Variants in XPO1 observed in about 807,000 individuals in gnomAD.
The protein encoded by XPO1 is exportin-1.
A neutral mutation model predicts 133.3 loss-of-function variants in XPO1; 5 were observed. The ratio of observed to expected loss-of-function variants is 0.04; its 90% CI spans 0.02 to 0.08. The LOEUF (loss-of-function observed/expected upper bound fraction) is 0.08, where lower values mean the gene tolerates loss of function less well. Among genes scored for constraint, XPO1 ranks in the 10% least tolerant of loss-of-function variants. The pLI is 1.00. For synonymous variants in XPO1, 419 were observed against 408.2 expected (o/e 1.03, Z -0.32); for missense variants, 506 against 1,267.5 (o/e 0.40, Z 9.12).
intron 10 of XPO1, among the ~76,000 whole-genome samples, chr2:61,496,133 AGTATTTCT>A (rs1697230372): frequency 6.6e-6 from 1 of 152,204 alleles, no homozygotes; most frequent in Admixed American, 6.5e-5. Context: ...AAATTTTTCT[AGTATTTCT>A]CACTGACATT....
chr2:61,490,537 T>G, intron 17 of XPO1, 105 bp downstream of exon 17: 1 of 1,486,180 alleles, frequency 6.7e-7, no homozygotes, highest in South Asian at 1.2e-5. Context: ...TAAAAGCACT[T>G]ATGGATCACA....
At position 61,533,776 on chromosome 2, in the gene XPO1, G is replaced by A. The variant is rs768730995; in HGVS notation, c.122C>T (p.Ala41Val). The change falls in exon 2 of 25, where the codon GCC becomes GTC. Residue 41 changes from alanine to valine, a missense_variant. Coordinates refer to ENST00000401558, the MANE Select transcript of XPO1 (RefSeq NM_003400.4). ...VVNCLYHGEGAQQRMAQEVLT... is the reference protein window; with the variant it reads ...VVNCLYHGEGVQQRMAQEVLT... ...AGTTTTGGTTGGCTACTTTACCTGG[G>A]CTCCTTCTCCATGGTATAAGCAATT... 19 of 1,582,436 alleles carry A rather than the reference G, an allele frequency of 1.2e-5. No individual in the cohort carries two copies. The highest frequency in any genetic ancestry group is 1.7e-4 in the Middle Eastern group (1 of 5,996).
At position 61,478,420 on chromosome 2, in the gene XPO1, T is replaced by C. The variant is rs1291902868; in HGVS notation, c.*400A>G. On this transcript the variant is annotated 3_prime_UTR_variant, in exon 25 of 25. Transcript: ENST00000401558. ...ATTTGTTTTACTCATTATCTTTTCT[T>C]CTAGGCTGAAATAGACTAGAAGGAA... The C allele has an allele frequency of 3.8e-6, 1 of 262,882 alleles. No homozygotes were observed. The highest frequency in any genetic ancestry group is 7.3e-6 in the Non-Finnish European group (1 of 137,866). 16.3% of individuals were successfully genotyped at this position (262,882 alleles called of 1,614,324 possible). A position where few individuals can be genotyped will look rare whatever the true frequency, so the allele number is the denominator to read the frequency against.
chr2:61,496,334 C>T (rs1697240435), intron 10 of XPO1, among the ~76,000 whole-genome samples: 1 of 152,112 alleles, frequency 6.6e-6, no homozygotes. Flanking sequence ...GCCTCAGCCT[C>T]CAGAGTAGCT....
At chr2:61,490,332 G>A (rs1353083343) in intron 17 of XPO1, among the ~76,000 whole-genome samples, 1 of 151,836 alleles carries the variant, frequency 6.6e-6, no homozygotes, top group Non-Finnish European at 1.5e-5. Context: ...CTCAGTAGCT[G>A]GGATTACAGG....
rs1464349179 is a variant in XPO1 at position 61,530,950 on chromosome 2, G to A, written c.126+2822C>T. On this transcript the variant is annotated intron_variant, in intron 2 of 24. Transcript: ENST00000401558. ...TTCTACCTATCAAGCACTGTAATAG[G>A]TGCTTTTAAACCTCATAACTAACCC... Among the ~76,000 whole-genome samples the A allele has an allele frequency of 2.0e-5, 3 of 152,050 alleles. No homozygotes were observed. The East Asian group carries it at 5.8e-4, about 29-fold the overall frequency.
chr2:61,531,778 TGTATA>T (rs1699162931), intron 2 of XPO1, among the ~76,000 whole-genome samples: 1 of 152,218 alleles, frequency 6.6e-6, no homozygotes, highest in South Asian at 2.1e-4. Flanking sequence ...TCATGTTGAA[TGTATA>T]GCATGAGTAA....
At chr2:61,491,496 A>ACACACACACACACACC (rs1491477036) in intron 16 of XPO1, among the ~76,000 whole-genome samples, 185 of 147,346 alleles carry the variant, frequency 1.3e-3, no homozygotes, top group African/African-American at 3.9e-3. Context: ...ACACACACAC[A>ACACACACACACACACC]CCCCAAAACA....
At chr2:61,519,990 A>G (rs952972136) in intron 4 of XPO1, among the ~76,000 whole-genome samples, 1 of 152,098 alleles carries the variant, frequency 6.6e-6, no homozygotes, top group Non-Finnish European at 1.5e-5. Flanking sequence ...CCTCTTTTAC[A>G]TGTGTTTTGT....
At chr2:61,512,982 G>C (rs940400611) in intron 4 of XPO1, among the ~76,000 whole-genome samples, 5 of 152,174 alleles carry the variant, frequency 3.3e-5, no homozygotes, top group Admixed American at 2.6e-4. Context: ...CCAGGAGACA[G>C]AGCATGACTC....
Position 61,478,061 on chromosome 2 carries a change from A to G in XPO1, c.*759T>C, listed in dbSNP as rs1696147047. On this transcript the variant is annotated 3_prime_UTR_variant, in exon 25 of 25. Coordinates refer to ENST00000401558, the MANE Select transcript of XPO1 (RefSeq NM_003400.4). The stretch of plus-strand genomic sequence containing the variant: ...TGTTTTGTTTTTTAATGAGTTGTTA[A>G]AAAGATGCAGCCTATTCTAACAGGA... 3 of 230,628 alleles carry G rather than the reference A, an allele frequency of 1.3e-5. No individual in the cohort carries two copies. Among genetic ancestry groups the G allele is most frequent in the African/African-American group, 2.2e-5 (1 of 45,212 alleles). 14.3% of individuals were successfully genotyped at this position (230,628 alleles called of 1,614,324 possible).
intron 24 of XPO1, among the ~76,000 whole-genome samples, chr2:61,479,653 C>CCT (rs757483808): frequency 1.6e-4 from 25 of 152,160 alleles, no homozygotes; most frequent in Non-Finnish European, 3.5e-4. Context: ...TCAACCTCTT[C>CCT]CTCCAAGATG....
At chr2:61,483,594 A>G (rs921816986) in intron 21 of XPO1, 1 of 188,022 alleles carries the variant, frequency 5.3e-6, no homozygotes, top group African/African-American at 2.4e-5. Context: ...AGCCTATGGG[A>G]AAAAAATTAC....
intron 4 of XPO1, among the ~76,000 whole-genome samples, chr2:61,521,292 C>G (rs929887177): frequency 6.6e-6 from 1 of 152,142 alleles, no homozygotes; most frequent in Non-Finnish European, 1.5e-5. Context: ...ATCCATGTCA[C>G]TATTCTACCA....
At chr2:61,536,429 T>C (rs1022690682) in intron 1 of XPO1, 4 of 152,200 alleles carry the variant, frequency 2.6e-5, no homozygotes, top group Non-Finnish European at 5.9e-5. Flanking sequence ...CTGGATAACA[T>C]ACACTAGGGA....
At chr2:61,514,518 G>A (rs560035284) in intron 4 of XPO1, among the ~76,000 whole-genome samples, 5 of 151,500 alleles carry the variant, frequency 3.3e-5, no homozygotes, top group African/African-American at 7.3e-5. Context: ...GCTTGAACCC[G>A]GGAAACAGAG....
At chr2:61,520,701 T>C (rs1011890846) in intron 4 of XPO1, among the ~76,000 whole-genome samples, 5 of 152,142 alleles carry the variant, frequency 3.3e-5, no homozygotes, top group Admixed American at 2.0e-4. Flanking sequence ...CTGTAACAAA[T>C]GTAACTACAG....
rs1480138393 is a variant in XPO1 at position 61,512,306 on chromosome 2, GA to G, written c.302-9997del. Reference sequence around the variant, plus strand: ...TCTGAGTAACACTATCAACTTATTAGAAACTTACATTATCATCTAGTTCTGA... The same window carrying G: ...TCTGAGTAACACTATCAACTTATTAGAACTTACATTATCATCTAGTTCTGA... On this transcript the variant is annotated intron_variant, in intron 4 of 24. Transcript: ENST00000401558. 2.0e-5 allele frequency among the ~76,000 whole-genome samples: 3 copies of G among 152,074 alleles called. No homozygotes were observed. In the East Asian group the frequency reaches 5.8e-4, roughly 29 times the overall value.
chr2:61,478,442 G>A lies in XPO1; in HGVS notation c.*378C>T, dbSNP rs2104185903. 1 of 270,164 alleles carries A rather than the reference G, an allele frequency of 3.7e-6. No homozygotes were observed. The highest frequency in any genetic ancestry group is 5.6e-5 in the East Asian group (1 of 17,758). 16.7% of individuals were successfully genotyped at this position (270,164 alleles called of 1,614,324 possible). A position where few individuals can be genotyped will look rare whatever the true frequency, so the allele number is the denominator to read the frequency against. On this transcript the variant is annotated 3_prime_UTR_variant, in exon 25 of 25. Coordinates refer to ENST00000401558, the MANE Select transcript of XPO1 (RefSeq NM_003400.4). Reference sequence around the variant, plus strand: ...TCTTCTAGGCTGAAATAGACTAGAAGGAAAATGCTCCCTAATTAAAAATTG... The same window carrying A: ...TCTTCTAGGCTGAAATAGACTAGAAAGAAAATGCTCCCTAATTAAAAATTG...
Sources: gnomAD v4.1 joint callset for allele counts (sites outside exome capture counted in the v4.1 genomes callset) on GRCh38, gnomAD v4.1.1 for gene constraint, MANE v1.5 for transcripts, NCBI Gene and HGNC (gene_info 2026-07-23, HGNC 2026-07-21) for gene names.